Variants in ESF1 observed in about 807,000 individuals in gnomAD.
ESF1 encodes the protein ESF1 nucleolar pre-rRNA processing protein, also known as ESF1 homolog.
ESF1 carries 58 observed loss-of-function variants against 92.0 expected under a neutral mutation model. The ratio of observed to expected loss-of-function variants is 0.63; its 90% CI spans 0.51 to 0.78. The LOEUF is 0.78. Among genes scored for constraint, ESF1 ranks in the 30% least tolerant of loss-of-function variants. ESF1 has a pLI of 0.00. For missense variants in ESF1, 922 were observed against 989.1 expected (o/e 0.93, Z 0.91); for synonymous variants, 321 against 313.7 (o/e 1.02, Z -0.24).
chr20:13,716,151 C>G (rs1350561195), intron 13 of ESF1, among the ~76,000 whole-genome samples: 2 of 152,116 alleles, frequency 1.3e-5, no homozygotes, highest in Non-Finnish European at 2.9e-5. Flanking sequence ...TAAAATTTCC[C>G]AAATTTCCCC....
intron 9 of ESF1, among the ~76,000 whole-genome samples, chr20:13,743,101 C>T (rs762201423): frequency 6.6e-6 from 1 of 152,080 alleles, no homozygotes; most frequent in Non-Finnish European, 1.5e-5. Context: ...AAACTATATA[C>T]AATGTTCCAA....
At chr20:13,784,824 A>G in intron 1 of ESF1, 56 bp downstream of exon 1, 2 of 568,062 alleles carry the variant, frequency 3.5e-6, no homozygotes, top group Non-Finnish European at 6.3e-6. Flanking sequence ...CCACACACAC[A>G]CACGCCCTCA....
chr20:13,756,241 C>T (rs886326021), intron 9 of ESF1, among the ~76,000 whole-genome samples: 3 of 152,142 alleles, frequency 2.0e-5, no homozygotes, highest in African/African-American at 7.2e-5. Flanking sequence ...ATGTATAGCA[C>T]ACAGAAAAAC....
At chr20:13,767,174 T>G (rs1286529122) in intron 7 of ESF1, among the ~76,000 whole-genome samples, 1 of 152,152 alleles carries the variant, frequency 6.6e-6, no homozygotes, top group Non-Finnish European at 1.5e-5. Context: ...CAGTAAAAAT[T>G]AACCAGTGTC....
At chr20:13,756,466 T>C (rs1978903165) in intron 9 of ESF1, among the ~76,000 whole-genome samples, 2 of 152,238 alleles carry the variant, frequency 1.3e-5, no homozygotes, top group African/African-American at 4.8e-5. Flanking sequence ...GAAGGTATTA[T>C]AAGCTGGTAC....
intron 9 of ESF1, among the ~76,000 whole-genome samples, chr20:13,735,775 C>G (rs139696608): frequency 6.6e-6 from 1 of 151,974 alleles, no homozygotes; most frequent in African/African-American, 2.4e-5. Context: ...ATTTTTTCAC[C>G]AAAAAAGTTA....
rs199572167 is a variant in ESF1, at chr20:13,771,376, C to T, written c.1358G>A (p.Cys453Tyr). 6.2e-7 allele frequency: 1 copy of T among 1,612,686 alleles called. No homozygotes were observed. The highest frequency in any genetic ancestry group is 8.5e-7 in the Non-Finnish European group (1 of 1,179,678). ...ACTACTTTCAAATTCCAGGCCATCACAATCCTCATAAATTTTACTAGCTGT... is the reference window on the plus strand; with the variant it reads ...ACTACTTTCAAATTCCAGGCCATCATAATCCTCATAAATTTTACTAGCTGT... ...PETASKIYED[C>Y]DGLEFESSCS... is the part of the protein sequence containing the mutation. The change falls in exon 6 of 14, where the codon TGT becomes TAT. Residue 453 changes from cysteine to tyrosine, a missense_variant. By Grantham distance (194) the Cys-to-Tyr change is radical. Transcript: ENST00000617257.
intron 8 of ESF1, among the ~76,000 whole-genome samples, chr20:13,760,432 C>T (rs35632254): frequency 0.17 from 25,301 of 149,102 alleles, 2,769 homozygotes; most frequent in Non-Finnish European, 0.24. Flanking sequence ...TGAGGAGCGC[C>T]TCTGCCCGGC....
chr20:13,783,292 T>C lies in ESF1; in HGVS notation c.-43-109A>G. The C allele has an allele frequency of 3.4e-6, 3 of 880,054 alleles. No individual in the cohort carries two copies. The South Asian group carries it at 6.2e-5, about 18-fold the overall frequency. The allele number at this position is 880,054 out of a possible 1,614,324, so 54.5% of individuals were successfully genotyped here. ...AAGTTAATATATTCTAAGTTAAGTG[T>C]ACATAAAATAGAGGTAACAAGTCTA... On this transcript the variant is annotated intron_variant, in intron 1 of 13. Transcript: ENST00000617257.
intron 13 of ESF1, among the ~76,000 whole-genome samples, chr20:13,716,600 G>A (rs1177369688): frequency 6.6e-6 from 1 of 151,548 alleles, no homozygotes; most frequent in African/African-American, 2.4e-5. Context: ...AGTAGCCTTT[G>A]GCTCCACCAT....
At chr20:13,749,015 T>A (rs1978469317) in intron 9 of ESF1, among the ~76,000 whole-genome samples, 1 of 152,118 alleles carries the variant, frequency 6.6e-6, no homozygotes, top group Admixed American at 6.5e-5. Context: ...TGCTCTAAGC[T>A]GACAATGCTT....
chr20:13,728,589 A>G (rs771723541), intron 10 of ESF1, 124 bp from the exon 11 acceptor site: 6 of 781,474 alleles, frequency 7.7e-6, no homozygotes, highest in Non-Finnish European at 1.2e-5. Context: ...ATCAGTGGCC[A>G]AGCGTGGTGG....
At chr20:13,747,386 C>A (rs1362749992) in intron 9 of ESF1, among the ~76,000 whole-genome samples, 1 of 151,792 alleles carries the variant, frequency 6.6e-6, no homozygotes, top group Non-Finnish European at 1.5e-5. Flanking sequence ...CGGTGAAACC[C>A]CGTCTCTACT....
intron 9 of ESF1, among the ~76,000 whole-genome samples, chr20:13,734,426 C>A (rs2049963142): frequency 6.6e-6 from 1 of 152,158 alleles, no homozygotes; most frequent in African/African-American, 2.4e-5. Flanking sequence ...TAGAAAAGAT[C>A]AGAAGGACCA....
intron 8 of ESF1, among the ~76,000 whole-genome samples, chr20:13,760,349 G>A (rs1373939776): frequency 6.6e-6 from 1 of 151,728 alleles, no homozygotes; most frequent in African/African-American, 2.4e-5. Flanking sequence ...TAGGAAGTGA[G>A]GAGCATCTCT....
intron 12 of ESF1, among the ~76,000 whole-genome samples, chr20:13,718,549 T>C (rs1425947204): frequency 6.6e-6 from 1 of 152,214 alleles, no homozygotes; most frequent in African/African-American, 2.4e-5. Context: ...CCAGGACAGA[T>C]TCAGATTGAA....
Position 13,775,903 on chromosome 20 carries a change from T to C in ESF1, c.1005A>G (p.Glu335=). 2 of 1,611,198 alleles carry C rather than the reference T, an allele frequency of 1.2e-6. No homozygotes were observed. The highest frequency in any genetic ancestry group is 1.3e-5 in the African/African-American group (1 of 74,892). ...EESGFEHAWR[E]LDKDAPRADE... is the part of the protein sequence containing the mutation. ...CAGCACGAGGAGCATCTTTATCTAA[T>C]TCTCTCCAAGCATGCTCAAAACCAG... Residue 335 remains glutamate (E), a synonymous_variant, in exon 3 of 14, where the codon GAA becomes GAG. Transcript: ENST00000617257.
At chr20:13,760,846 C>T (rs1979159765) in intron 8 of ESF1, among the ~76,000 whole-genome samples, 1 of 152,188 alleles carries the variant, frequency 6.6e-6, no homozygotes, top group Non-Finnish European at 1.5e-5. Context: ...GTGAGGAGCC[C>T]CTCTTCCCCG....
chr20:13,730,963 T>C (rs1273467217), intron 10 of ESF1, among the ~76,000 whole-genome samples: 1 of 152,052 alleles, frequency 6.6e-6, no homozygotes. Context: ...TTGAAACTCT[T>C]CTATATACAA....
Sources: gnomAD v4.1 joint callset for allele counts (sites outside exome capture counted in the v4.1 genomes callset) on GRCh38, gnomAD v4.1.1 for gene constraint, MANE v1.5 for transcripts, NCBI Gene and HGNC (gene_info 2026-07-23, HGNC 2026-07-21) for gene names.